The following NAALADL2 variants were observed in gnomAD, a reference collection of about 807,000 sequenced individuals.
The protein encoded by NAALADL2 is N-acetylated alpha-linked acidic dipeptidase like 2.
NAALADL2 carries 76 observed loss-of-function variants against 87.2 expected under a neutral mutation model. The ratio of observed to expected loss-of-function variants is 0.87; its 90% CI spans 0.72 to 1.05. The LOEUF is 1.05. Among genes scored for constraint, NAALADL2 ranks in the 50% least tolerant of loss-of-function variants. The pLI, the probability that NAALADL2 is intolerant of heterozygous loss-of-function variation, is 0.00. For missense variants in NAALADL2, 1,089 were observed against 945.8 expected (o/e 1.15, Z -1.99); for synonymous variants, 354 against 331.0 (o/e 1.07, Z -0.75).
intron 3 of NAALADL2, among the ~76,000 whole-genome samples, chr3:174,786,333 C>A (rs979883707): frequency 1.3e-5 from 2 of 151,562 alleles, no homozygotes; most frequent in African/African-American, 4.9e-5. Flanking sequence ...CGCTTGTAGT[C>A]CCCGATACTC....
At chr3:175,415,730 GATATTA>G (rs1327659960) in intron 5 of NAALADL2, among the ~76,000 whole-genome samples, 2 of 151,636 alleles carry the variant, frequency 1.3e-5, no homozygotes, top group Non-Finnish European at 2.9e-5. Context: ...CTAAATCATT[GATATTA>G]ATATTATAAG....
chr3:175,506,654 A>G (rs372423879), intron 9 of NAALADL2, among the ~76,000 whole-genome samples: 15 of 152,346 alleles, frequency 9.8e-5, no homozygotes, highest in East Asian at 7.7e-4. Flanking sequence ...GTTACAGGAA[A>G]GACTTAACCA....
chr3:175,624,311 A>G (rs1393511206), intron 10 of NAALADL2, among the ~76,000 whole-genome samples: 2 of 152,010 alleles, frequency 1.3e-5, no homozygotes, highest in African/African-American at 2.4e-5. Context: ...CCTGATCTTT[A>G]TGCCAGACAT....
chr3:174,617,273 A>C (rs1180497846), intron 2 of NAALADL2, among the ~76,000 whole-genome samples: 1 of 151,048 alleles, frequency 6.6e-6, no homozygotes, highest in East Asian at 1.9e-4. Context: ...TTAACATTTA[A>C]AAAAATAAAT....
chr3:175,527,179 G>T (rs1303947051), intron 9 of NAALADL2, among the ~76,000 whole-genome samples: 3 of 152,082 alleles, frequency 2.0e-5, no homozygotes, highest in Admixed American at 6.5e-5. Context: ...ATTGGTGTTT[G>T]CCCTCAAGTG....
intron 4 of NAALADL2, among the ~76,000 whole-genome samples, chr3:175,312,404 G>A (rs1758491573): frequency 1.3e-5 from 2 of 149,400 alleles, no homozygotes; most frequent in Admixed American, 6.7e-5. Flanking sequence ...TTGTTTCTAT[G>A]TACATTAATC....
intron 1 of NAALADL2, among the ~76,000 whole-genome samples, chr3:174,862,462 A>G (rs914949637): frequency 3.9e-5 from 6 of 152,024 alleles, no homozygotes; most frequent in African/African-American, 1.4e-4. Flanking sequence ...TCCATTTCCT[A>G]CTTCTCCCAG....
At chr3:175,061,671 A>G (rs913228777) in intron 1 of NAALADL2, among the ~76,000 whole-genome samples, 3 of 151,244 alleles carry the variant, frequency 2.0e-5, no homozygotes, top group Admixed American at 6.6e-5. Flanking sequence ...TCTTCCATTC[A>G]TTTTCCAAAT....
At chr3:174,507,874 T>A (rs143047511) in intron 1 of NAALADL2, among the ~76,000 whole-genome samples, 1 of 152,194 alleles carries the variant, frequency 6.6e-6, no homozygotes, top group East Asian at 1.9e-4. Context: ...TACAGGTCCA[T>A]GCATGGATAT....
rs375409358 is a variant in NAALADL2 at position 174,779,322 on chromosome 3, G to T, written c.-9+41576G>T. On this transcript the variant is annotated intron_variant, in intron 3 of 3. Transcript: ENST00000434257. ...ATATCCTTTGTCCACTTTTGATGGG[G>T]TTGTTTTTTTCTTGTAAATTTGTTT... Among the ~76,000 whole-genome samples the T allele has an allele frequency of 2.1e-3, 323 of 151,244 alleles. 1 individual carries two copies. The highest frequency in any genetic ancestry group is 6.9e-3 in the African/African-American group (286 of 41,364).
chr3:174,605,890 C>CCCCG (rs1392879964), intron 2 of NAALADL2, among the ~76,000 whole-genome samples: 1 of 152,128 alleles, frequency 6.6e-6, no homozygotes, highest in Non-Finnish European at 1.5e-5. Context: ...GACCCCTGAT[C>CCCCG]CCCGAGCAGC....
At chr3:175,730,199 G>T (rs1016875907) in intron 11 of NAALADL2, among the ~76,000 whole-genome samples, 1 of 151,460 alleles carries the variant, frequency 6.6e-6, no homozygotes, top group African/African-American at 2.4e-5. Context: ...GGGAGAAAAT[G>T]TACCCTACTC....
rs372261346 is a variant in NAALADL2 at position 175,807,495 on chromosome 3, C to T, written c.*4292C>T. 5.3e-5 allele frequency: 8 copies of T among 151,860 alleles called. No individual in the cohort carries two copies. The highest frequency in any genetic ancestry group is 1.9e-4 in the East Asian group (1 of 5,182). The allele number at this position is 151,860 out of a possible 1,614,324, so 9.4% of individuals were successfully genotyped here. Reference sequence around the variant, plus strand: ...TTGATTACTCCAAAAATTAAGCTTTCTCTGAGGGTAACACATTGTCATCTC... The same window carrying T: ...TTGATTACTCCAAAAATTAAGCTTTTTCTGAGGGTAACACATTGTCATCTC... On this transcript the variant is annotated 3_prime_UTR_variant, in exon 14 of 14. Transcript: ENST00000454872.
At chr3:175,514,876 T>A (rs1340030838) in intron 9 of NAALADL2, among the ~76,000 whole-genome samples, 1 of 152,212 alleles carries the variant, frequency 6.6e-6, no homozygotes, top group African/African-American at 2.4e-5. Flanking sequence ...TTTTGATATT[T>A]TCTAAGCAGA....
rs183262046 is a variant in NAALADL2 at position 175,389,435 on chromosome 3, A to C, written c.1091-57794A>C. On this transcript the variant is annotated intron_variant, in intron 5 of 13. Transcript: ENST00000454872. ...TATAAGTTAAGTGTTAAATTGAAAT[A>C]TTATCTTATCAATATAAGCACAGTT... Among the ~76,000 whole-genome samples, 204 of 152,328 alleles carry C rather than the reference A, an allele frequency of 1.3e-3. 1 individual carries two copies. Among genetic ancestry groups the C allele is most frequent in the African/African-American group, 4.8e-3 (198 of 41,574 alleles).
intron 9 of NAALADL2, among the ~76,000 whole-genome samples, chr3:175,491,153 G>A (rs1208021376): frequency 7.6e-6 from 1 of 131,110 alleles, no homozygotes; most frequent in African/African-American, 2.6e-5. Context: ...TTTTTTTTCT[G>A]TCAGGAAATA....
At chr3:175,786,042 G>A (rs569545005) in intron 13 of NAALADL2, among the ~76,000 whole-genome samples, 2 of 152,194 alleles carry the variant, frequency 1.3e-5, no homozygotes, top group East Asian at 1.9e-4. Flanking sequence ...ACTCTCTTCT[G>A]GCTTGTAGGG....
chr3:175,206,359 T>C (rs1740919119), intron 2 of NAALADL2, among the ~76,000 whole-genome samples: 1 of 148,562 alleles, frequency 6.7e-6, no homozygotes, highest in Non-Finnish European at 1.5e-5. Context: ...ATGTTATATA[T>C]ACACGATGGA....
intron 2 of NAALADL2, among the ~76,000 whole-genome samples, chr3:174,552,795 C>CAAA (rs1164243901): frequency 1.8e-4 from 10 of 55,982 alleles, no homozygotes; most frequent in Middle Eastern, 0.028. Flanking sequence ...GACCCTGCCT[C>CAAA]AAAAAAAAAA....
Sources: allele counts gnomAD v4.1 joint callset (sites outside exome capture counted in the v4.1 genomes callset), GRCh38; gene constraint gnomAD v4.1.1; transcripts MANE v1.5; gene names NCBI Gene and HGNC (gene_info 2026-07-23, HGNC 2026-07-21).